EIF2AK3: variants seen among roughly 807,000 people sequenced by gnomAD.
EIF2AK3 encodes the protein eukaryotic translation initiation factor 2 alpha kinase 3.
In EIF2AK3, 50 loss-of-function variants were observed where a neutral mutation model predicts 113.5. That is an observed-to-expected ratio of 0.44 (90% CI 0.35 to 0.56). The LOEUF (loss-of-function observed/expected upper bound fraction) is 0.56. Among genes scored for constraint, EIF2AK3 ranks in the 20% least tolerant of loss-of-function variants. EIF2AK3 has a pLI of 0.00. For missense variants in EIF2AK3, 1,185 were observed against 1,378.0 expected (o/e 0.86, Z 2.22); for synonymous variants, 448 against 495.4 (o/e 0.90, Z 1.27).
intron 14 of EIF2AK3, among the ~76,000 whole-genome samples, chr2:88,564,692 A>G (rs1020980937): frequency 1.3e-5 from 2 of 152,224 alleles, no homozygotes; most frequent in Non-Finnish European, 2.9e-5. Context: ...TTATGAAACT[A>G]TGCCACATTC....
intron 2 of EIF2AK3, among the ~76,000 whole-genome samples, chr2:88,599,787 G>A (rs950501859): frequency 6.6e-6 from 1 of 152,036 alleles, no homozygotes; most frequent in Non-Finnish European, 1.5e-5. Context: ...CGGGTCCTTA[G>A]GGAATACAAT....
At chr2:88,592,222 A>G (rs189659702) in intron 4 of EIF2AK3, among the ~76,000 whole-genome samples, 82 of 152,356 alleles carry the variant, frequency 5.4e-4, no homozygotes, top group Admixed American at 1.9e-3. Flanking sequence ...ATATTTAAAT[A>G]TAAAAATTAC....
At chr2:88,608,882 AT>A (rs70958959) in intron 2 of EIF2AK3, among the ~76,000 whole-genome samples, 68,637 of 126,538 alleles carry the variant, frequency 0.54, 18,492 homozygotes, top group East Asian at 0.79. Flanking sequence ...TAATTTTTGT[AT>A]TTTTTTTTTT....
chr2:88,584,527 GA>G (rs66817563), intron 9 of EIF2AK3, among the ~76,000 whole-genome samples: 21,385 of 72,962 alleles, frequency 0.29, 1,654 homozygotes, highest in East Asian at 0.34. Flanking sequence ...CCCTGTCTCT[GA>G]AAAAAAAAAA....
At position 88,565,967 on chromosome 2, in the gene EIF2AK3, T is replaced by C. The variant is rs565355202; in HGVS notation, c.2986-3577A>G. Among the ~76,000 whole-genome samples the C allele has an allele frequency of 3.3e-5, 5 of 152,344 alleles. No homozygotes were observed. The East Asian group carries it at 9.6e-4, about 29-fold the overall frequency. On this transcript the variant is annotated intron_variant, in intron 14 of 16. Coordinates refer to ENST00000303236, the MANE Select transcript of EIF2AK3 (RefSeq NM_004836.7). ...TTTTGGTTGCAACCAATTGACTATA[T>C]ATGAAAGTCTCCTATAAATAAAAAT...
At chr2:88,608,388 GC>G (rs1365475749) in intron 2 of EIF2AK3, among the ~76,000 whole-genome samples, 1 of 152,032 alleles carries the variant, frequency 6.6e-6, no homozygotes, top group Admixed American at 6.6e-5. Context: ...CTTGATGAAA[GC>G]TTGGAGAAAC....
chr2:88,588,803 C>T lies in EIF2AK3; in HGVS notation c.1264G>A (p.Ala422Thr), dbSNP rs145427892. ...KALESVTNENAIIPLPTIKWK... is the reference protein window; with the variant it reads ...KALESVTNENTIIPLPTIKWK... ...TTGATTGTTGGTAAAGGAATAATTGCGTTTTCATTAGTGACAGATTCCAAA... is the reference window on the plus strand; with the variant it reads ...TTGATTGTTGGTAAAGGAATAATTGTGTTTTCATTAGTGACAGATTCCAAA... Residue 422 changes from alanine (A) to threonine (T), a missense_variant, in exon 7 of 17, where the codon GCA becomes ACA. Transcript: ENST00000303236. 2.2e-4 allele frequency: 350 copies of T among 1,613,700 alleles called. No individual in the cohort carries two copies. The African/African-American group carries it at 2.8e-3, about 13-fold the overall frequency.
chr2:88,608,634 G>T (rs902733349), intron 2 of EIF2AK3, among the ~76,000 whole-genome samples: 4 of 150,550 alleles, frequency 2.7e-5, no homozygotes, highest in Admixed American at 2.0e-4. Context: ...TGCACCAGAT[G>T]CATTTTGAAG....
chr2:88,590,840 C>A lies in EIF2AK3; in HGVS notation c.980G>T (p.Gly327Val). Reference protein sequence around the residue: ...WKVMAFSKKGGHLEWEYQFCT... With the variant: ...WKVMAFSKKGVHLEWEYQFCT... ...TACCTGGTACTCCCATTCCAGATGT[C>A]CTCCCTTCTTACTGAATGCCATAAC... Residue 327 changes from glycine to valine, a missense_variant, in exon 5 of 17, where the codon GGA becomes GTA. By Grantham distance (109) the Gly-to-Val change is moderately radical (BLOSUM62 -3). This residue lies in a region of EIF2AK3 where 877 missense variants were observed against 1,024.2 expected (regional missense o/e 0.86). Coordinates refer to ENST00000303236, the MANE Select transcript of EIF2AK3 (RefSeq NM_004836.7). 6.2e-7 allele frequency: 1 copy of A among 1,614,052 alleles called. No individual in the cohort carries two copies. The highest frequency in any genetic ancestry group is 1.1e-5 in the South Asian group (1 of 91,074).
At chr2:88,577,279 G>A (rs935582908) in intron 11 of EIF2AK3, among the ~76,000 whole-genome samples, 7 of 151,934 alleles carry the variant, frequency 4.6e-5, no homozygotes, top group Admixed American at 6.6e-5. Flanking sequence ...CACCGTGCCC[G>A]GCTAGCCTAG....
Position 88,590,498 on chromosome 2 carries a change from A to T in EIF2AK3, c.1110T>A (p.Asp370Glu). 1 of 1,613,926 alleles carries T rather than the reference A, an allele frequency of 6.2e-7. No individual in the cohort carries two copies. Among genetic ancestry groups the T allele is most frequent in the Non-Finnish European group, 8.5e-7 (1 of 1,179,942 alleles). ...SYTSNDDVLE[D>E]EEDIVEAARG... ...TGGCAGCTTCTACAATGTCTTCTTC[A>T]TCTTCTAAAACATCATCATTAGATG... The change falls in exon 6 of 17, where the codon GAT becomes GAA. Residue 370 changes from aspartate to glutamate, a missense_variant. Physicochemically the swap from Asp to Glu is conservative, Grantham distance 45. Coordinates refer to ENST00000303236, the MANE Select transcript of EIF2AK3 (RefSeq NM_004836.7).
chr2:88,587,783 T>A (rs1674775850), intron 8 of EIF2AK3, among the ~76,000 whole-genome samples, 199 bp downstream of exon 8: 1 of 152,154 alleles, frequency 6.6e-6, no homozygotes, highest in Non-Finnish European at 1.5e-5. Flanking sequence ...GGGAGTTAGA[T>A]GTGCCCAACC....
chr2:88,614,009 C>T lies in EIF2AK3; in HGVS notation c.309-156G>A, dbSNP rs577439390. Among the ~76,000 whole-genome samples, 9 of 152,224 alleles carry T rather than the reference C, an allele frequency of 5.9e-5. No individual in the cohort carries two copies. The South Asian group carries it at 1.9e-3, about 32-fold the overall frequency. On this transcript the variant is annotated intron_variant, in intron 1 of 16. Coordinates refer to ENST00000303236, the MANE Select transcript of EIF2AK3 (RefSeq NM_004836.7). Reference sequence around the variant, plus strand: ...ACTCTTGCCACCACTGTCTTTGGACCAAGACAATTTCAATATGCCCTTTAT... The same window carrying T: ...ACTCTTGCCACCACTGTCTTTGGACTAAGACAATTTCAATATGCCCTTTAT...
intron 9 of EIF2AK3, among the ~76,000 whole-genome samples, chr2:88,584,087 T>C (rs183976959): frequency 7.2e-4 from 109 of 152,312 alleles, no homozygotes; most frequent in African/African-American, 2.5e-3. Flanking sequence ...ATGGTCAAAT[T>C]GGGGCACTGT....
chr2:88,557,875 A>C lies in EIF2AK3; in HGVS notation c.3212T>G (p.Ile1071Ser). Residue 1071 changes from isoleucine to serine, a missense_variant, in exon 17 of 17, where the codon ATC (isoleucine) becomes AGC (serine). Coordinates refer to ENST00000303236, the MANE Select transcript of EIF2AK3 (RefSeq NM_004836.7). ...SPMERPEAIN[I>S]IENAVFEDLD... is the part of the protein sequence containing the mutation. ...GTCCTCAAATACAGCATTTTCAATG[A>C]TGTTTATAGCTTCAGGTCGTTCCAT... The C allele has an allele frequency of 6.2e-7, 1 of 1,614,066 alleles. No homozygotes were observed. The highest frequency in any genetic ancestry group is 8.5e-7 in the Non-Finnish European group (1 of 1,179,944).
At chr2:88,601,650 A>G (rs891394911) in intron 2 of EIF2AK3, among the ~76,000 whole-genome samples, 5 of 152,060 alleles carry the variant, frequency 3.3e-5, no homozygotes, top group African/African-American at 1.2e-4. Context: ...TGCATGCCCC[A>G]CTTTTAATGA....
chr2:88,585,752 G>T, intron 9 of EIF2AK3, 89 bp downstream of exon 9: 1 of 1,279,948 alleles, frequency 7.8e-7, no homozygotes, highest in Non-Finnish European at 1.1e-6. Context: ...TGGTGGAGCA[G>T]TAGGGATGGA....
intron 7 of EIF2AK3, among the ~76,000 whole-genome samples, chr2:88,588,421 T>C (rs1433848965): frequency 4.6e-5 from 7 of 152,230 alleles, no homozygotes; most frequent in Non-Finnish European, 1.0e-4. Flanking sequence ...AAGAATATGA[T>C]GTGCTAACCA....
At chr2:88,568,229 T>C (rs1323824470) in intron 14 of EIF2AK3, among the ~76,000 whole-genome samples, 8 of 152,226 alleles carry the variant, frequency 5.3e-5, no homozygotes, top group Admixed American at 5.2e-4. Flanking sequence ...TCAAATCCAG[T>C]GGTTCTTGAA....
Sources: gnomAD v4.1 joint callset for allele counts (sites outside exome capture counted in the v4.1 genomes callset) on GRCh38, gnomAD v4.1.1 for gene constraint, gnomAD v4.1.1 regional missense constraint, MANE v1.5 for transcripts, NCBI Gene and HGNC (gene_info 2026-07-23, HGNC 2026-07-21) for gene names.